CBLB: variants seen among roughly 807,000 people sequenced by gnomAD.
CBLB encodes E3 ubiquitin-protein ligase CBL-B.
CBLB carries 31 observed loss-of-function variants against 104.9 expected under a neutral mutation model. The ratio of observed to expected loss-of-function variants is 0.30; its 90% CI spans 0.22 to 0.40. The LOEUF (loss-of-function observed/expected upper bound fraction) is 0.40, where lower values mean the gene tolerates loss of function less well. Among genes scored for constraint, CBLB ranks in the 10% least tolerant of loss-of-function variants. The pLI is 1.00. For missense variants in CBLB, 1,062 were observed against 1,214.6 expected (o/e 0.87, Z 1.87); for synonymous variants, 440 against 422.6 (o/e 1.04, Z -0.51).
At chr3:105,720,302 G>T in intron 9 of CBLB, 52 bp from the exon 10 acceptor site, 1 of 1,474,628 alleles carries the variant, frequency 6.8e-7, no homozygotes, top group South Asian at 1.2e-5. Flanking sequence ...AAACAGTACC[G>T]AGAAATGCTA....
At chr3:105,660,176 C>A (rs1173979546) in intron 18 of CBLB, among the ~76,000 whole-genome samples, 1 of 152,106 alleles carries the variant, frequency 6.6e-6, no homozygotes, top group Non-Finnish European at 1.5e-5. Flanking sequence ...AAAAAATACA[C>A]ACATACACAC....
At chr3:105,818,960 A>T (rs1249522010) in intron 3 of CBLB, among the ~76,000 whole-genome samples, 2 of 152,234 alleles carry the variant, frequency 1.3e-5, no homozygotes, top group African/African-American at 4.8e-5. Context: ...TTTCAACTCA[A>T]CTATCCCTGA....
At chr3:105,719,990 T>G in intron 10 of CBLB, 57 bp downstream of exon 10, 1 of 1,268,014 alleles carries the variant, frequency 7.9e-7, no homozygotes, top group Non-Finnish European at 1.2e-6. Flanking sequence ...TATGACGGCA[T>G]CATTTCCTTT....
chr3:105,776,204 TA>T (rs1034863791), intron 4 of CBLB, among the ~76,000 whole-genome samples, 191 bp downstream of exon 4: 3 of 152,158 alleles, frequency 2.0e-5, no homozygotes, highest in Non-Finnish European at 4.4e-5. Context: ...ACTTAGTGAC[TA>T]AAAAACTATT....
intron 13 of CBLB, among the ~76,000 whole-genome samples, chr3:105,688,162 A>G (rs2067233734): frequency 6.6e-6 from 1 of 152,104 alleles, no homozygotes; most frequent in African/African-American, 2.4e-5. Flanking sequence ...CCAGAGGAAT[A>G]AAGCTGAACA....
intron 16 of CBLB, 99 bp downstream of exon 16, chr3:105,681,380 A>G (rs1386918669): frequency 7.7e-7 from 1 of 1,293,378 alleles, no homozygotes; most frequent in Non-Finnish European, 1.1e-6. Flanking sequence ...CAAATTCACA[A>G]CCCAGTGAGT....
At chr3:105,792,825 C>T (rs1459153796) in intron 3 of CBLB, among the ~76,000 whole-genome samples, 1 of 152,196 alleles carries the variant, frequency 6.6e-6, no homozygotes, top group Admixed American at 6.5e-5. Context: ...CCATTAACCT[C>T]TGAGATTCCT....
intron 18 of CBLB, among the ~76,000 whole-genome samples, chr3:105,669,372 T>C (rs956373274): frequency 2.0e-5 from 3 of 152,174 alleles, no homozygotes; most frequent in African/African-American, 7.2e-5. Context: ...AAGGCAGTTA[T>C]CTATGAACCT....
chr3:105,810,941 T>G (rs549069068), intron 3 of CBLB, among the ~76,000 whole-genome samples: 13 of 152,282 alleles, frequency 8.5e-5, no homozygotes, highest in African/African-American at 2.9e-4. Context: ...TTTTATAATA[T>G]GTACAGTATA....
intron 13 of CBLB, among the ~76,000 whole-genome samples, chr3:105,692,276 A>T (rs2067808627): frequency 6.6e-6 from 1 of 152,232 alleles, no homozygotes; most frequent in Non-Finnish European, 1.5e-5. Context: ...ATACAGTAAG[A>T]TGTTATGGGA....
At position 105,658,396 on chromosome 3, in the gene CBLB, T is replaced by A. The variant is rs2063484192; in HGVS notation, c.*574A>T. 4.5e-6 allele frequency: 1 copy of A among 224,212 alleles called. No homozygotes were observed. The highest frequency in any genetic ancestry group is 6.5e-5 in the East Asian group (1 of 15,312). The allele number at this position is 224,212 out of a possible 1,614,324, so 13.9% of individuals were successfully genotyped here. ...CTCAGTAGTGAAGAATACATACTTT[T>A]TTTTTTTTGCATTAGTTTGATCAGT... is the stretch of plus-strand genomic sequence containing the variant. On this transcript the variant is annotated 3_prime_UTR_variant, in exon 19 of 19. Coordinates refer to ENST00000394030, the MANE Select transcript of CBLB (RefSeq NM_170662.5).
At chr3:105,869,110 T>G (rs773877512), upstream of CBLB, 1 of 912,228 alleles carries the variant, frequency 1.1e-6, no homozygotes, top group Non-Finnish European at 1.4e-6. Context: ...AACCGCGCAC[T>G]GCCCGACAGC....
intron 3 of CBLB, among the ~76,000 whole-genome samples, chr3:105,823,417 T>A (rs1472906578): frequency 6.6e-6 from 1 of 152,148 alleles, no homozygotes; most frequent in African/African-American, 2.4e-5. Context: ...TATACCTGTC[T>A]CCCTTAGTGG....
intron 3 of CBLB, 70 bp from the exon 4 acceptor site, chr3:105,776,612 T>TA: frequency 7.3e-7 from 1 of 1,364,696 alleles, no homozygotes; most frequent in South Asian, 1.2e-5. Context: ...TTTATGGTAA[T>TA]ATATATTAAG....
intron 8 of CBLB, among the ~76,000 whole-genome samples, chr3:105,736,250 A>T (rs896015597): frequency 2.6e-5 from 4 of 152,162 alleles, no homozygotes; most frequent in Non-Finnish European, 5.9e-5. Context: ...TCACTGCTCA[A>T]TCCCTTTTCA....
At chr3:105,800,189 GTTACAATCACCTGGCTATT>G (rs2082678781) in intron 3 of CBLB, among the ~76,000 whole-genome samples, 1 of 152,102 alleles carries the variant, frequency 6.6e-6, no homozygotes. Context: ...CTACCTGTAT[GTTACAATCACCTGGCTATT>G]TTATTAAATC....
intron 3 of CBLB, among the ~76,000 whole-genome samples, chr3:105,780,672 T>TTTG (rs2080144524): frequency 7.2e-6 from 1 of 138,976 alleles, no homozygotes; most frequent in South Asian, 2.4e-4. Context: ...TTTTTTTTTT[T>TTTG]TTTTTTTTGA....
intron 4 of CBLB, among the ~76,000 whole-genome samples, chr3:105,762,719 A>C (rs1264145024): frequency 6.6e-6 from 1 of 152,256 alleles, no homozygotes; most frequent in Non-Finnish European, 1.5e-5. Flanking sequence ...CTGCAGGGGC[A>C]GAGCCCTACC....
intron 9 of CBLB, among the ~76,000 whole-genome samples, chr3:105,733,220 G>A (rs1484150463): frequency 2.0e-5 from 3 of 151,954 alleles, no homozygotes; most frequent in Non-Finnish European, 2.9e-5. Context: ...AGCTGGGCAC[G>A]GTGGCGGGCA....
Sources: allele counts gnomAD v4.1 joint callset (sites outside exome capture counted in the v4.1 genomes callset), GRCh38; gene constraint gnomAD v4.1.1; transcripts MANE v1.5; gene names NCBI Gene and HGNC (gene_info 2026-07-23, HGNC 2026-07-21).